Variants in C3orf20 observed in about 807,000 individuals in gnomAD.
The protein encoded by C3orf20 is family with sequence similarity 149 member C, also known as uncharacterized protein C3orf20.
A neutral mutation model predicts 88.3 loss-of-function variants in C3orf20; 76 were observed. That is an observed-to-expected ratio of 0.86 (90% confidence interval 0.72 to 1.04). C3orf20 has a LOEUF of 1.04. Ranked by LOEUF, C3orf20 falls within the 50% of genes least tolerant of loss-of-function variation. The probability of loss-of-function intolerance (pLI) is 0.00; values close to 1 mark genes in which losing one functional copy is unlikely to be tolerated. For synonymous variants in C3orf20, 436 were observed against 437.4 expected (o/e 1.00, Z 0.04); for missense variants, 1,056 against 1,123.3 (o/e 0.94, Z 0.86).
At chr3:14,764,460 A>G (rs185487650) in intron 15 of C3orf20, among the ~76,000 whole-genome samples, 37 of 152,056 alleles carry the variant, frequency 2.4e-4, no homozygotes, top group Admixed American at 2.4e-3. Context: ...CAAGCTTTGT[A>G]GGATAAAACA....
At chr3:14,760,112 TG>T (rs2035513502) in intron 14 of C3orf20, 114 bp downstream of exon 14, 1 of 802,812 alleles carries the variant, frequency 1.2e-6, no homozygotes, top group Non-Finnish European at 2.1e-6. Flanking sequence ...AGGGAGGGGC[TG>T]CGGAATTATC....
In C3orf20 at chr3:14,757,557, A is replaced by C; in HGVS notation, c.2127A>C (p.Gln709His). Reference protein sequence around the residue: ...RFLLAPRDPSQVLVFGIISSQ... With the variant: ...RFLLAPRDPSHVLVFGIISSQ... ...TGTTGGCGCCCCGAGACCCCAGCCA[A>C]GTGCTGGTGTTTGGGATCATCTCAA... is the stretch of plus-strand genomic sequence containing the variant. Residue 709 changes from glutamine (Q) to histidine (H), a missense_variant, in exon 13 of 17, where the codon CAA (glutamine) becomes CAC (histidine). Gln to His is a conservative substitution (Grantham distance 24). Transcript: ENST00000253697. The C allele has an allele frequency of 6.2e-7, 1 of 1,613,978 alleles. No homozygotes were observed. The highest frequency in any genetic ancestry group is 8.5e-7 in the Non-Finnish European group (1 of 1,179,960).
intron 5 of C3orf20, among the ~76,000 whole-genome samples, chr3:14,694,239 A>G (rs1454476575): frequency 6.6e-6 from 1 of 151,844 alleles, no homozygotes; most frequent in Non-Finnish European, 1.5e-5. Flanking sequence ...CTCCTCCTCT[A>G]TTTTTCAGAA....
At chr3:14,677,626 G>C (rs1251362686) in intron 1 of C3orf20, among the ~76,000 whole-genome samples, 1 of 152,068 alleles carries the variant, frequency 6.6e-6, no homozygotes, top group Non-Finnish European at 1.5e-5. Context: ...TCAGCCTCCT[G>C]AGTAGCTGGG....
At chr3:14,688,072 A>G (rs1260407251) in intron 4 of C3orf20, among the ~76,000 whole-genome samples, 1 of 152,172 alleles carries the variant, frequency 6.6e-6, no homozygotes, top group Non-Finnish European at 1.5e-5. Flanking sequence ...TTTTGGAAAA[A>G]CACTCATTCA....
chr3:14,756,740 A>T (rs982485119), intron 12 of C3orf20, among the ~76,000 whole-genome samples: 1 of 152,200 alleles, frequency 6.6e-6, no homozygotes, highest in African/African-American at 2.4e-5. Flanking sequence ...AATGCTGGAG[A>T]GTAAGAGATG....
intron 10 of C3orf20, chr3:14,722,416 C>T (rs988040047): frequency 2.2e-6 from 1 of 453,322 alleles, no homozygotes; most frequent in African/African-American, 2.0e-5. Flanking sequence ...TGTCAGATTA[C>T]TCTCAAATGA....
At chr3:14,739,532 T>C (rs2034836372) in intron 12 of C3orf20, among the ~76,000 whole-genome samples, 1 of 152,222 alleles carries the variant, frequency 6.6e-6, no homozygotes, top group South Asian at 2.1e-4. Flanking sequence ...GAATGGTAAA[T>C]GAGCATTGGC....
chr3:14,726,200 A>C (rs1360006517), intron 10 of C3orf20, among the ~76,000 whole-genome samples: 1 of 152,264 alleles, frequency 6.6e-6, no homozygotes, highest in African/African-American at 2.4e-5. Flanking sequence ...CAGCCATGGC[A>C]GAGGCCTCAG....
intron 12 of C3orf20, among the ~76,000 whole-genome samples, chr3:14,754,011 T>A (rs1385996702): frequency 1.3e-5 from 2 of 152,224 alleles, no homozygotes; most frequent in African/African-American, 4.8e-5. Context: ...AAAAGTCCAG[T>A]GGTCAGCCAG....
intron 15 of C3orf20, among the ~76,000 whole-genome samples, chr3:14,769,243 G>A (rs2035798342): frequency 6.6e-6 from 1 of 152,128 alleles, no homozygotes; most frequent in East Asian, 1.9e-4. Context: ...TGGCAGAGGA[G>A]GGGACCTGGG....
intron 7 of C3orf20, among the ~76,000 whole-genome samples, chr3:14,712,378 C>T (rs1046090773): frequency 1.3e-5 from 2 of 152,126 alleles, no homozygotes; most frequent in Non-Finnish European, 2.9e-5. Context: ...TGATCTTGGA[C>T]GTTCAGCCTC....
intron 15 of C3orf20, chr3:14,765,145 G>T (rs2035670346): frequency 1.3e-5 from 2 of 152,246 alleles, no homozygotes. Context: ...AGTGAGTGAG[G>T]TTCAGCAGCA....
At chr3:14,744,880 G>T (rs1200426672) in intron 12 of C3orf20, among the ~76,000 whole-genome samples, 1 of 152,302 alleles carries the variant, frequency 6.6e-6, no homozygotes, top group African/African-American at 2.4e-5. Context: ...GGAGATAAAT[G>T]CAAGTTGAGA....
intron 5 of C3orf20, among the ~76,000 whole-genome samples, chr3:14,699,328 C>T (rs1182299978): frequency 6.6e-6 from 1 of 152,216 alleles, no homozygotes; most frequent in African/African-American, 2.4e-5. Flanking sequence ...AGGAGTCCCT[C>T]ACTGTGACCA....
intron 1 of C3orf20, among the ~76,000 whole-genome samples, chr3:14,677,562 G>A (rs1032039820): frequency 1.1e-4 from 16 of 151,992 alleles, no homozygotes; most frequent in Admixed American, 7.9e-4. Context: ...GTGCAATAGC[G>A]CGATCTCAAC....
intron 1 of C3orf20, among the ~76,000 whole-genome samples, chr3:14,677,490 T>C (rs2031834906): frequency 6.6e-6 from 1 of 151,846 alleles, no homozygotes; most frequent in Non-Finnish European, 1.5e-5. Context: ...CTGGACATCC[T>C]TTTTTTTGTT....
rs1266556620 is a variant in C3orf20 at position 14,688,359 on chromosome 3, G to C, written c.626-1638G>C. Reference sequence around the variant, plus strand: ...AGCCTGGCCAACATGATGAAACCCTGTCTCTACTAAAAATACAAAAAAATT... The same window carrying C: ...AGCCTGGCCAACATGATGAAACCCTCTCTCTACTAAAAATACAAAAAAATT... On this transcript the variant is annotated intron_variant, in intron 4 of 16. Transcript: ENST00000253697. Among the ~76,000 whole-genome samples, 9 of 151,660 alleles carry C rather than the reference G, an allele frequency of 5.9e-5. No individual in the cohort carries two copies. In the East Asian group the frequency reaches 1.7e-3, roughly 29 times the overall value.
intron 9 of C3orf20, among the ~76,000 whole-genome samples, chr3:14,719,644 A>ATTTCTT (rs2034076261): frequency 6.6e-6 from 1 of 152,216 alleles, no homozygotes; most frequent in African/African-American, 2.4e-5. Context: ...ACTCTCAAGA[A>ATTTCTT]GACAAGTCTG....
Sources: gnomAD v4.1 joint callset for allele counts (sites outside exome capture counted in the v4.1 genomes callset) on GRCh38, gnomAD v4.1.1 for gene constraint, MANE v1.5 for transcripts, NCBI Gene and HGNC (gene_info 2026-07-23, HGNC 2026-07-21) for gene names.